Variants in PGGT1B observed in about 807,000 individuals in gnomAD.
PGGT1B encodes protein geranylgeranyltransferase type I subunit beta.
A neutral mutation model predicts 46.1 loss-of-function variants in PGGT1B; 30 were observed. That is an observed-to-expected ratio of 0.65 (90% CI 0.49 to 0.88). PGGT1B has a LOEUF of 0.88. PGGT1B is among the 40% of genes least tolerant of loss of function. The pLI is 0.00. For missense variants in PGGT1B, 376 were observed against 455.9 expected (o/e 0.82, Z 1.60); for synonymous variants, 170 against 160.0 (o/e 1.06, Z -0.47).
rs190547635 is a variant in PGGT1B, at chr5:115,241,696, G to A, written c.260-90C>T. ...TTAATTACACAATCTTTCAGAAACAGACTATTTTAGTCTCCATTTTCATAC... is the reference window on the plus strand; with the variant it reads ...TTAATTACACAATCTTTCAGAAACAAACTATTTTAGTCTCCATTTTCATAC... On this transcript the variant is annotated intron_variant, in intron 2 of 8. Coordinates refer to ENST00000419445, the MANE Select transcript of PGGT1B (RefSeq NM_005023.4). The A allele has an allele frequency of 9.2e-4, 819 of 886,286 alleles. 7 individuals carry two copies. Among genetic ancestry groups the A allele is most frequent in the Admixed American group, 1.6e-3 (61 of 37,034 alleles). 54.9% of individuals were successfully genotyped at this position (886,286 alleles called of 1,614,324 possible).
At chr5:115,237,395 A>G (rs1463788452) in intron 4 of PGGT1B, among the ~76,000 whole-genome samples, 1 of 152,170 alleles carries the variant, frequency 6.6e-6, no homozygotes, top group Non-Finnish European at 1.5e-5. Context: ...GAATCACCAA[A>G]TATCAATGAA....
At chr5:115,212,628 G>T in intron 8 of PGGT1B, 45 bp from the exon 9 acceptor site, 1 of 1,319,328 alleles carries the variant, frequency 7.6e-7, no homozygotes, top group Non-Finnish European at 1.1e-6. Context: ...ATTCTTACTT[G>T]TACATTCTAC....
chr5:115,238,026 T>C lies in PGGT1B; in HGVS notation c.328-17A>G, dbSNP rs1490919490. On this transcript the variant is annotated splice_polypyrimidine_tract_variant and intron_variant, in intron 3 of 8. Transcript: ENST00000419445. ...TCCAGGAGCCTAAATACAAAATTAA[T>C]ATAGTACTAATTAATGAAGTGAAAT... 6.4e-7 allele frequency: 1 copy of C among 1,554,872 alleles called. No homozygotes were observed. Among genetic ancestry groups the C allele is most frequent in the South Asian group, 1.2e-5 (1 of 83,164 alleles).
At chr5:115,257,689 G>A (rs560584048) in intron 1 of PGGT1B, among the ~76,000 whole-genome samples, 3 of 152,082 alleles carry the variant, frequency 2.0e-5, no homozygotes, top group Non-Finnish European at 4.4e-5. Flanking sequence ...ACCCTTTCTG[G>A]TGCAACCCCA....
intron 1 of PGGT1B, among the ~76,000 whole-genome samples, chr5:115,257,239 G>A (rs1335008629): frequency 6.6e-6 from 1 of 152,150 alleles, no homozygotes; most frequent in African/African-American, 2.4e-5. Context: ...AAGGATGGGC[G>A]CAGTGGCTCA....
chr5:115,253,310 A>G, intron 1 of PGGT1B, 55 bp from the exon 2 acceptor site: 1 of 1,361,888 alleles, frequency 7.3e-7, no homozygotes, highest in South Asian at 1.3e-5. Flanking sequence ...TTAAGTCTGA[A>G]GTCTTCCTGG....
intron 5 of PGGT1B, among the ~76,000 whole-genome samples, chr5:115,231,389 T>C (rs921736421): frequency 2.6e-5 from 4 of 152,008 alleles, no homozygotes; most frequent in African/African-American, 7.2e-5. Context: ...TAGAACATTA[T>C]AAACATGAAA....
At chr5:115,216,485 T>C (rs898413237) in intron 8 of PGGT1B, among the ~76,000 whole-genome samples, 11 of 152,280 alleles carry the variant, frequency 7.2e-5, no homozygotes, top group East Asian at 5.8e-4. Context: ...CCCTTCAGGA[T>C]TGGGAGTAAT....
At chr5:115,223,093 T>C (rs888215538) in intron 6 of PGGT1B, among the ~76,000 whole-genome samples, 7 of 151,174 alleles carry the variant, frequency 4.6e-5, no homozygotes, top group African/African-American at 1.5e-4. Flanking sequence ...GTTGTGCACA[T>C]GTACCCTAGA....
chr5:115,218,760 T>C (rs547065408), intron 7 of PGGT1B, among the ~76,000 whole-genome samples: 1 of 151,870 alleles, frequency 6.6e-6, no homozygotes, highest in Non-Finnish European at 1.5e-5. Context: ...TGATCCTTAA[T>C]GCCTGTTAAA....
chr5:115,208,249 ATTTGT>A lies in PGGT1B; in HGVS notation c.*4148_*4152del. 1 of 150,646 alleles carries A rather than the reference ATTTGT, an allele frequency of 6.6e-6. No individual in the cohort carries two copies. The highest frequency in any genetic ancestry group is 2.1e-4 in the South Asian group (1 of 4,778). 9.3% of individuals were successfully genotyped at this position (150,646 alleles called of 1,614,324 possible). A position where few individuals can be genotyped will look rare whatever the true frequency, so the allele number is the denominator to read the frequency against. On this transcript the variant is annotated 3_prime_UTR_variant, in exon 9 of 9. Coordinates refer to ENST00000419445, the MANE Select transcript of PGGT1B (RefSeq NM_005023.4). ...AAAATGAATTCAGGAGTTTTTCTTT[ATTTGT>A]TTTTTTTCTTTTTTTGGCACTTTGA...
rs185556585 is a variant in PGGT1B, at chr5:115,247,223, T to G, written c.260-5617A>C. Among the ~76,000 whole-genome samples the G allele has an allele frequency of 1.5e-3, 225 of 152,274 alleles. 2 individuals carry two copies. Among genetic ancestry groups the G allele is most frequent in the Admixed American group, 0.015 (224 of 15,296 alleles). ...TATTCTTTAAAAAACGGTTATAAAC[T>G]TATGGAATATAAAAGTTTGAGAGTT... On this transcript the variant is annotated intron_variant, in intron 2 of 8. Transcript: ENST00000419445.
At chr5:115,251,480 C>CA (rs1185102959) in intron 2 of PGGT1B, among the ~76,000 whole-genome samples, 1 of 151,784 alleles carries the variant, frequency 6.6e-6, no homozygotes, top group African/African-American at 2.4e-5. Flanking sequence ...AAGAACAGAC[C>CA]AAAAAATTGC....
In PGGT1B at chr5:115,211,130, GC is replaced by G. The variant is rs1192723392; in HGVS notation, c.*1271del. 6.6e-6 allele frequency: 1 copy of G among 151,914 alleles called. No homozygotes were observed. The highest frequency in any genetic ancestry group is 6.6e-5 in the Admixed American group (1 of 15,240). 9.4% of individuals were successfully genotyped at this position (151,914 alleles called of 1,614,324 possible). On this transcript the variant is annotated 3_prime_UTR_variant, in exon 9 of 9. Coordinates refer to ENST00000419445, the MANE Select transcript of PGGT1B (RefSeq NM_005023.4). ...TTATTATCACCAAGACTAACTTAAA[GC>G]CAACTCCTTTAGTGAAGAGATTTCT...
intron 6 of PGGT1B, 54 bp downstream of exon 6, chr5:115,230,922 T>C (rs1756958557): frequency 1.9e-6 from 2 of 1,061,090 alleles, no homozygotes; most frequent in Non-Finnish European, 2.9e-6. Flanking sequence ...GACACCAAGA[T>C]GTTGTCTAAG....
chr5:115,206,910 A>G lies in PGGT1B; in HGVS notation c.*5492T>C, dbSNP rs1454756939. 1 of 151,776 alleles carries G rather than the reference A, an allele frequency of 6.6e-6. No homozygotes were observed. Among genetic ancestry groups the G allele is most frequent in the Non-Finnish European group, 1.5e-5 (1 of 67,832 alleles). The allele number at this position is 151,776 out of a possible 1,614,324, so 9.4% of individuals were successfully genotyped here. ...TTATTCTAGTATGTTCTCTCAAATAACAATATAATTTTTATTGGAATGGCA... is the reference window on the plus strand; with the variant it reads ...TTATTCTAGTATGTTCTCTCAAATAGCAATATAATTTTTATTGGAATGGCA... On this transcript the variant is annotated 3_prime_UTR_variant, in exon 9 of 9. Transcript: ENST00000419445.
intron 2 of PGGT1B, 124 bp from the exon 3 acceptor site, chr5:115,241,730 G>A (rs1439823984): frequency 1.5e-5 from 9 of 599,600 alleles, no homozygotes; most frequent in African/African-American, 3.9e-5. Flanking sequence ...ACTGGCTAAT[G>A]CTGAATGCTT....
At chr5:115,241,007 G>C (rs761014579) in intron 3 of PGGT1B, among the ~76,000 whole-genome samples, 9 of 152,124 alleles carry the variant, frequency 5.9e-5, no homozygotes, top group Non-Finnish European at 1.3e-4. Context: ...CTGGTATCAA[G>C]GCCTTTGGAT....
At chr5:115,235,561 C>T (rs265440) in intron 5 of PGGT1B, among the ~76,000 whole-genome samples, 21,522 of 152,074 alleles carry the variant, frequency 0.14, 2,286 homozygotes, top group African/African-American at 0.3. Context: ...GCTGCACCTC[C>T]AAATACAGTG....
Sources: gnomAD v4.1 joint callset for allele counts (sites outside exome capture counted in the v4.1 genomes callset) on GRCh38, gnomAD v4.1.1 for gene constraint, MANE v1.5 for transcripts, NCBI Gene and HGNC (gene_info 2026-07-23, HGNC 2026-07-21) for gene names.